Variants in NKAIN2 observed in about 807,000 individuals in gnomAD.
NKAIN2 encodes the protein sodium/potassium transporting ATPase interacting 2, also known as sodium/potassium-transporting ATPase subunit beta-1-interacting protein 2.
NKAIN2 carries 14 observed loss-of-function variants against 32.6 expected under a neutral mutation model. The ratio of observed to expected loss-of-function variants is 0.43; its 90% CI spans 0.28 to 0.67. NKAIN2 has a LOEUF of 0.67. Ranked by LOEUF, NKAIN2 falls within the 30% of genes least tolerant of loss-of-function variation. The pLI, the probability that NKAIN2 is intolerant of heterozygous loss-of-function variation, is 0.17. For synonymous variants in NKAIN2, 80 were observed against 87.2 expected, an observed-to-expected ratio of 0.92 and a Z score of 0.46; for missense variants, 198 against 258.3, an observed-to-expected ratio of 0.77 and a Z score of 1.60.
At chr6:124,206,365 C>A (rs376226344) in intron 1 of NKAIN2, among the ~76,000 whole-genome samples, 1 of 151,786 alleles carries the variant, frequency 6.6e-6, no homozygotes, top group East Asian at 1.9e-4. Context: ...GAGAGTGATT[C>A]CCTACTTGCT....
rs11964443 is a variant in NKAIN2 at position 124,681,150 on chromosome 6, C to T, written c.474+22764C>T. Among the ~76,000 whole-genome samples the T allele has an allele frequency of 3.5e-3, 533 of 152,004 alleles. 2 individuals carry two copies. Among genetic ancestry groups the T allele is most frequent in the African/African-American group, 0.012 (507 of 41,504 alleles). On this transcript the variant is annotated intron_variant, in intron 4 of 6. Transcript: ENST00000368417. ...TTAGGACGATAAGCACTTTACAGAT[C>T]TATATTCTTCCCATATCAATCATTG...
At chr6:124,798,725 T>C (rs1403733248) in intron 5 of NKAIN2, among the ~76,000 whole-genome samples, 4 of 152,246 alleles carry the variant, frequency 2.6e-5, no homozygotes, top group African/African-American at 9.6e-5. Context: ...ACCTGCCTAC[T>C]GCTCTATTTC....
chr6:124,355,702 C>T (rs1353319766), intron 3 of NKAIN2, among the ~76,000 whole-genome samples: 7 of 152,094 alleles, frequency 4.6e-5, no homozygotes, highest in Non-Finnish European at 1.0e-4. Context: ...CTCTGCTAAA[C>T]ATTGTCCTTA....
At chr6:123,918,446 T>C (rs1380437176) in intron 1 of NKAIN2, among the ~76,000 whole-genome samples, 1 of 152,232 alleles carries the variant, frequency 6.6e-6, no homozygotes, top group Non-Finnish European at 1.5e-5. Context: ...TTCACTCTGT[T>C]AGTGTTATTT....
intron 1 of NKAIN2, among the ~76,000 whole-genome samples, chr6:123,998,148 AT>A (rs1171456256): frequency 1.3e-5 from 2 of 152,144 alleles, no homozygotes; most frequent in African/African-American, 2.4e-5. Context: ...ACAAAGATAG[AT>A]GTGGGAAAAA....
chr6:124,152,567 T>C (rs924823444), intron 1 of NKAIN2, among the ~76,000 whole-genome samples: 5 of 152,076 alleles, frequency 3.3e-5, no homozygotes, highest in Admixed American at 3.3e-4. Context: ...TTGGTAGGAA[T>C]ATAGAGTAGT....
chr6:124,119,414 A>T (rs562066756), intron 1 of NKAIN2, among the ~76,000 whole-genome samples: 68 of 152,308 alleles, frequency 4.5e-4, no homozygotes, highest in Non-Finnish European at 7.1e-4. Flanking sequence ...TTTTTAACTA[A>T]ATCTCCTTAT....
At chr6:124,407,962 T>C (rs1271510092) in intron 3 of NKAIN2, among the ~76,000 whole-genome samples, 42 of 152,110 alleles carry the variant, frequency 2.8e-4, no homozygotes, top group Non-Finnish European at 4.9e-4. Flanking sequence ...ATGAGCATTT[T>C]TTCATGTGTT....
At chr6:124,149,609 T>C (rs1445877102) in intron 1 of NKAIN2, among the ~76,000 whole-genome samples, 3 of 152,220 alleles carry the variant, frequency 2.0e-5, no homozygotes, top group African/African-American at 4.8e-5. Context: ...GGTTTATTTC[T>C]GAACTCTTGA....
intron 1 of NKAIN2, among the ~76,000 whole-genome samples, chr6:124,066,859 C>T (rs571288085): frequency 3.0e-5 from 2 of 65,696 alleles, no homozygotes; most frequent in East Asian, 4.6e-4. Flanking sequence ...CAATTTGCTG[C>T]GTTTGTGTGT....
At chr6:123,851,535 G>A (rs1775348703) in intron 1 of NKAIN2, among the ~76,000 whole-genome samples, 1 of 152,066 alleles carries the variant, frequency 6.6e-6, no homozygotes, top group Admixed American at 6.5e-5. Flanking sequence ...ACAGTTATGA[G>A]CCACCACGCC....
intron 3 of NKAIN2, among the ~76,000 whole-genome samples, chr6:124,576,605 A>T (rs1383997678): frequency 6.6e-6 from 1 of 152,158 alleles, no homozygotes; most frequent in Middle Eastern, 3.2e-3. Context: ...GTGAACCAAT[A>T]TTTTCCAAAT....
chr6:124,371,693 C>CAA (rs10679200), intron 3 of NKAIN2, among the ~76,000 whole-genome samples: 30,761 of 95,354 alleles, frequency 0.32, 4,949 homozygotes, highest in South Asian at 0.44. Context: ...GACTCTGTCT[C>CAA]AAAAAAAAAA....
intron 1 of NKAIN2, among the ~76,000 whole-genome samples, chr6:124,024,808 G>A (rs1406357220): frequency 2.0e-5 from 3 of 151,990 alleles, no homozygotes; most frequent in Non-Finnish European, 4.4e-5. Context: ...CCAACATGGT[G>A]AAACCCTGTC....
chr6:123,911,811 A>ATATGTATATATATATATATG lies in NKAIN2; in HGVS notation c.54+107559_54+107560insTGTATATATATATATATGTA, dbSNP rs1562253493. On this transcript the variant is annotated intron_variant, in intron 1 of 6. Coordinates refer to ENST00000368417, the MANE Select transcript of NKAIN2 (RefSeq NM_001040214.3). ...TATATATATATATATGTATATATAT[A>ATATGTATATATATATATATG]TACACACACACACACACACACACAC... is the stretch of plus-strand genomic sequence containing the variant. Among the ~76,000 whole-genome samples the ATATGTATATATATATATATG allele has an allele frequency of 6.9e-4, 67 of 96,590 alleles. 2 individuals carry two copies. The highest frequency in any genetic ancestry group is 1.5e-3 in the South Asian group (5 of 3,294). 63.4% of individuals were successfully genotyped at this position (96,590 alleles called of 152,430 possible).
chr6:124,512,537 A>T (rs924463060), intron 3 of NKAIN2, among the ~76,000 whole-genome samples: 2 of 152,206 alleles, frequency 1.3e-5, no homozygotes, highest in Non-Finnish European at 2.9e-5. Context: ...GAAGAAAATT[A>T]AAATAGCTCT....
intron 3 of NKAIN2, among the ~76,000 whole-genome samples, chr6:124,619,338 G>A (rs1044925058): frequency 1.8e-4 from 27 of 151,980 alleles, no homozygotes; most frequent in African/African-American, 5.6e-4. Flanking sequence ...ACTTGGAGCC[G>A]GTAGGTAAAG....
At chr6:124,581,068 G>A (rs1781500563) in intron 3 of NKAIN2, among the ~76,000 whole-genome samples, 1 of 152,166 alleles carries the variant, frequency 6.6e-6, no homozygotes, top group South Asian at 2.1e-4. Context: ...GAGAGAGATA[G>A]ACCCCAATGC....
rs1321437751 is a variant in NKAIN2, at chr6:124,781,913, T to C, written c.475-9426T>C. On this transcript the variant is annotated intron_variant, in intron 4 of 6. Transcript: ENST00000368417. ...GGGAAAAAACTGGTCTTCAAATTTG[T>C]GTCTTCCCCAATCCACATTTTATTC... 2.0e-5 allele frequency among the ~76,000 whole-genome samples: 3 copies of C among 152,148 alleles called. No homozygotes were observed. In the East Asian group the frequency reaches 5.8e-4, roughly 29 times the overall value.
Sources: allele counts gnomAD v4.1 joint callset (sites outside exome capture counted in the v4.1 genomes callset), GRCh38; gene constraint gnomAD v4.1.1; transcripts MANE v1.5; gene names NCBI Gene and HGNC (gene_info 2026-07-23, HGNC 2026-07-21).